DISC1: variants seen among roughly 807,000 people sequenced by gnomAD.
DISC1 encodes the protein disrupted in schizophrenia 1 protein.
In DISC1, 57 loss-of-function variants were observed where a neutral mutation model predicts 84.5. That is an observed-to-expected ratio of 0.67 (90% CI 0.55 to 0.84). The LOEUF is 0.84. Ranked by LOEUF, DISC1 falls within the 40% of genes least tolerant of loss-of-function variation. The probability of loss-of-function intolerance (pLI) is 0.00; values close to 1 mark genes in which losing one functional copy is unlikely to be tolerated. For missense variants in DISC1, 1,000 were observed against 1,057.8 expected, an observed-to-expected ratio of 0.95 and a Z score of 0.76; for synonymous variants, 411 against 415.2, an observed-to-expected ratio of 0.99 and a Z score of 0.12.
intron 1 of DISC1, among the ~76,000 whole-genome samples, chr1:231,660,807 A>C (rs912719797): frequency 1.3e-5 from 2 of 152,172 alleles, no homozygotes. Flanking sequence ...TGATCCTGTC[A>C]TCATGATGCT....
At chr1:231,803,820 C>T (rs966485661) in intron 8 of DISC1, among the ~76,000 whole-genome samples, 7 of 151,796 alleles carry the variant, frequency 4.6e-5, no homozygotes, top group African/African-American at 9.7e-5. Context: ...TCATGGCGGG[C>T]GCCTGTAGTC....
chr1:231,792,119 G>A (rs2078395900), intron 6 of DISC1, among the ~76,000 whole-genome samples: 1 of 152,170 alleles, frequency 6.6e-6, no homozygotes, highest in Admixed American at 6.5e-5. Context: ...TACAACTAAT[G>A]TTAATAGTAG....
rs2087791960 is a variant in DISC1 at position 231,897,457 on chromosome 1, A to G, written c.1982-61371A>G. Among the ~76,000 whole-genome samples, 1 of 152,146 alleles carries G rather than the reference A, an allele frequency of 6.6e-6. No homozygotes were observed. The highest frequency in any genetic ancestry group is 2.4e-5 in the African/African-American group (1 of 41,430). On this transcript the variant is annotated intron_variant, in intron 9 of 12. Coordinates refer to ENST00000439617, the MANE Select transcript of DISC1 (RefSeq NM_018662.3). The surrounding 1 kb of genome is among the most constrained non-coding windows in gnomAD (Gnocchi z 4.5). ...CCAGAGAGCATTTCAGTTATCATTT[A>G]TGGAACAAGGCCAAAATATTTCTTT...
chr1:231,904,675 C>T (rs1016154878), intron 9 of DISC1, among the ~76,000 whole-genome samples: 4 of 152,002 alleles, frequency 2.6e-5, no homozygotes, highest in Admixed American at 2.6e-4. Flanking sequence ...GAACAATGAA[C>T]ACCCCTAGAA....
chr1:231,939,268 G>A (rs766613147), intron 9 of DISC1, among the ~76,000 whole-genome samples: 26 of 152,228 alleles, frequency 1.7e-4, no homozygotes, highest in Admixed American at 9.8e-4. Flanking sequence ...TTTTTTCACC[G>A]TCATAGCTCT....
chr1:231,858,469 T>G, intron 9 of DISC1, among the ~76,000 whole-genome samples: 1 of 152,230 alleles, frequency 6.6e-6, no homozygotes, highest in Non-Finnish European at 1.5e-5. Context: ...TGTTTTGAAC[T>G]TGTGTCATGA....
rs2075215798 is a variant in DISC1, at chr1:231,757,055, G to GGTATATATA, written c.1268+6980_1268+6988dup. Among the ~76,000 whole-genome samples the GGTATATATA allele has an allele frequency of 2.0e-5, 3 of 151,886 alleles. No homozygotes were observed. The South Asian group carries it at 6.2e-4, about 32-fold the overall frequency. ...CTCTCACAGGCTCTCCGAGTCAAGGGGTATATATAATATTTTTGAATGAGT... is the reference window on the plus strand; with the variant it reads ...CTCTCACAGGCTCTCCGAGTCAAGGGGTATATATAGTATATATAATATTTTTGAATGAGT... On this transcript the variant is annotated intron_variant, in intron 4 of 12. Transcript: ENST00000439617.
chr1:231,731,333 CA>C (rs1442742745), intron 3 of DISC1, among the ~76,000 whole-genome samples: 2 of 152,198 alleles, frequency 1.3e-5, no homozygotes, highest in Non-Finnish European at 1.5e-5. Context: ...GGCAGTTCTG[CA>C]GTAATATTTA....
intron 1 of DISC1, among the ~76,000 whole-genome samples, chr1:231,677,833 G>A (rs959744590): frequency 6.6e-6 from 1 of 152,158 alleles, no homozygotes; most frequent in African/African-American, 2.4e-5. Flanking sequence ...GCAAAAATTA[G>A]CCAGACATGG....
At position 231,958,822 on chromosome 1, in the gene DISC1, C is replaced by A; in HGVS notation, c.1982-6C>A. 1 of 1,612,594 alleles carries A rather than the reference C, an allele frequency of 6.2e-7. No homozygotes were observed. The highest frequency in any genetic ancestry group is 8.5e-7 in the Non-Finnish European group (1 of 1,179,462). ...ATTAACTTTGGATTTCCTTTTTTTC[C>A]CCCAGAAACAAGTGTGAAGGAAAAT... On this transcript the variant is annotated splice_polypyrimidine_tract_variant and splice_region_variant and intron_variant, in intron 9 of 12. Coordinates refer to ENST00000439617, the MANE Select transcript of DISC1 (RefSeq NM_018662.3).
intron 9 of DISC1, among the ~76,000 whole-genome samples, chr1:231,957,825 C>A (rs189550457): frequency 6.6e-6 from 1 of 152,300 alleles, no homozygotes; most frequent in East Asian, 1.9e-4. Context: ...CAGTCCCTCA[C>A]CTTACACATA....
chr1:231,886,774 T>TCCTTC (rs1558692012), intron 9 of DISC1, among the ~76,000 whole-genome samples: 116 of 50,004 alleles, frequency 2.3e-3, no homozygotes, highest in African/African-American at 8.4e-3. Context: ...TTCCTTTCTT[T>TCCTTC]CTTTCTTTCT....
intron 5 of DISC1, among the ~76,000 whole-genome samples, chr1:231,770,050 G>C (rs1369292048): frequency 6.6e-6 from 1 of 152,174 alleles, no homozygotes; most frequent in Non-Finnish European, 1.5e-5. Flanking sequence ...ACGTGAATAA[G>C]AGGTTAGGAG....
chr1:231,854,446 C>T (rs1207791763), intron 9 of DISC1, among the ~76,000 whole-genome samples: 1 of 152,128 alleles, frequency 6.6e-6, no homozygotes, highest in Non-Finnish European at 1.5e-5. Context: ...ATATCCATTT[C>T]CATATAGTTC....
At chr1:231,806,649 C>T (rs943994694) in intron 8 of DISC1, among the ~76,000 whole-genome samples, 18 of 150,604 alleles carry the variant, frequency 1.2e-4, no homozygotes, top group African/African-American at 4.1e-4. Context: ...CTGCAGGGTT[C>T]GAGGGTGAAA....
chr1:231,937,527 G>A (rs1360200567), intron 9 of DISC1, among the ~76,000 whole-genome samples: 1 of 152,212 alleles, frequency 6.6e-6, no homozygotes, highest in Non-Finnish European at 1.5e-5. Flanking sequence ...AAGCCAGGCT[G>A]ATTATTTCAA....
Position 232,036,860 on chromosome 1 carries a change from G to GGGGGGGGGGGC in DISC1, c.*29_*30insGGGGGGGGGGC. 6.9e-7 allele frequency: 1 copy of GGGGGGGGGGGC among 1,453,872 alleles called. No individual in the cohort carries two copies. The highest frequency in any genetic ancestry group is 9.3e-7 in the Non-Finnish European group (1 of 1,079,428). 90.1% of individuals were successfully genotyped at this position (1,453,872 alleles called of 1,614,324 possible). A position where few individuals can be genotyped will look rare whatever the true frequency, so the allele number is the denominator to read the frequency against. ...GTGACGGGATGGGGGAGGGAGGTGG[G>GGGGGGGGGGGC]CCACCATGTTTGGACCCGGGGGGCT... On this transcript the variant is annotated 3_prime_UTR_variant, in exon 13 of 13. Coordinates refer to ENST00000439617, the MANE Select transcript of DISC1 (RefSeq NM_018662.3).
At chr1:231,702,200 C>T in intron 3 of DISC1, 176 bp downstream of exon 3, 2 of 1,362,998 alleles carry the variant, frequency 1.5e-6, no homozygotes, top group Non-Finnish European at 1.9e-6. Flanking sequence ...TTTCAAAGTA[C>T]TTCATGAACA....
At chr1:231,666,964 TTATG>T (rs2062083020) in intron 1 of DISC1, among the ~76,000 whole-genome samples, 1 of 152,152 alleles carries the variant, frequency 6.6e-6, no homozygotes, top group Admixed American at 6.5e-5. Context: ...GTTTAAATGT[TTATG>T]TATTTCCAGG....
Sources: allele counts gnomAD v4.1 joint callset (sites outside exome capture counted in the v4.1 genomes callset), GRCh38; gene constraint gnomAD v4.1.1; non-coding constraint Gnocchi (gnomAD v3.1); transcripts MANE v1.5; gene names NCBI Gene and HGNC (gene_info 2026-07-23, HGNC 2026-07-21).